Variants in LMOD3 observed in about 807,000 individuals in gnomAD.
LMOD3 encodes leiomodin-3.
LMOD3 carries 31 observed loss-of-function variants against 41.8 expected under a neutral mutation model. The ratio of observed to expected loss-of-function variants is 0.74; its 90% confidence interval spans 0.56 to 1.00. The LOEUF (loss-of-function observed/expected upper bound fraction) is 1.00. Among genes scored for constraint, LMOD3 ranks in the 50% least tolerant of loss-of-function variants. The pLI, the probability that LMOD3 is intolerant of heterozygous loss-of-function variation, is 0.00. For synonymous variants in LMOD3, 292 were observed against 241.9 expected, an observed-to-expected ratio of 1.21 and a Z score of -1.92; for missense variants, 755 against 679.5, an observed-to-expected ratio of 1.11 and a Z score of -1.23.
At chr3:69,113,921 T>G (rs545364713) in intron 2 of LMOD3, among the ~76,000 whole-genome samples, 2 of 152,322 alleles carry the variant, frequency 1.3e-5, no homozygotes, top group East Asian at 3.9e-4. Context: ...ATCATACGAC[T>G]CAGCTTTATT....
At position 69,118,893 on chromosome 3, in the gene LMOD3, C is replaced by A; in HGVS notation, c.1462G>T (p.Val488Leu). The change falls in exon 2 of 3, where the codon GTG (valine) becomes TTG (leucine). Residue 488 changes from valine to leucine, a missense_variant. Physicochemically the swap from Val to Leu is conservative, Grantham distance 32. Transcript: ENST00000420581. Reference sequence around the variant, plus strand: ...TTGCGCTGGATTCTCTTCAGCTTCACCACCCGGAAGGAGTCAGGGTCTGTC... The same window carrying A: ...TTGCGCTGGATTCTCTTCAGCTTCAACACCCGGAAGGAGTCAGGGTCTGTC... Reference protein sequence around the residue: ...YRTDPDSFRVVKLKRIQRKSR... With the variant: ...YRTDPDSFRVLKLKRIQRKSR... The A allele has an allele frequency of 2.5e-6, 4 of 1,611,542 alleles. No individual in the cohort carries two copies. The highest frequency in any genetic ancestry group is 3.4e-6 in the Non-Finnish European group (4 of 1,179,434).
In LMOD3 at chr3:69,110,853, A is replaced by AATAT. The variant is rs1302203949; in HGVS notation, c.1657-1736_1657-1733dup. Among the ~76,000 whole-genome samples, 799 of 104,002 alleles carry AATAT rather than the reference A, an allele frequency of 7.7e-3. 30 individuals carry two copies. Among genetic ancestry groups the AATAT allele is most frequent in the African/African-American group, 0.027 (559 of 20,740 alleles). The allele number at this position is 104,002 out of a possible 152,430, so 68.2% of individuals were successfully genotyped here. ...GACACCATCTCAAAAAAAAAAAAAA[A>AATAT]ATATATATATATATATATATATATT... On this transcript the variant is annotated intron_variant, in intron 2 of 2. Transcript: ENST00000420581.
At chr3:69,116,725 T>C (rs766009828) in intron 2 of LMOD3, among the ~76,000 whole-genome samples, 3 of 152,170 alleles carry the variant, frequency 2.0e-5, no homozygotes, top group Non-Finnish European at 4.4e-5. Context: ...TGAACCTGAC[T>C]TACCACTATA....
rs2107526736 is a variant in LMOD3, at chr3:69,119,810, C to A, written c.545G>T (p.Arg182Ile). Residue 182 changes from arginine to isoleucine, a missense_variant, in exon 2 of 3, where the codon AGA (arginine) becomes ATA (isoleucine). Transcript: ENST00000420581. ...EEEGKAKEQI[R>I]NCENNCQQVT... ...CTGCTGGCAGTTGTTCTCACAATTT[C>A]TAATTTGTTCCTTTGCTTTGCCTTC... is the stretch of plus-strand genomic sequence containing the variant. 1 of 1,596,406 alleles carries A rather than the reference C, an allele frequency of 6.3e-7. No homozygotes were observed. The highest frequency in any genetic ancestry group is 8.5e-7 in the Non-Finnish European group (1 of 1,170,082).
At chr3:69,112,022 T>C (rs1300521437) in intron 2 of LMOD3, among the ~76,000 whole-genome samples, 1 of 152,236 alleles carries the variant, frequency 6.6e-6, no homozygotes, top group Non-Finnish European at 1.5e-5. Context: ...GCACACATTT[T>C]AATCATTTTC....
Position 69,122,511 on chromosome 3 carries a change from A to T in LMOD3, c.-125T>A, listed in dbSNP as rs527962792. The T allele has an allele frequency of 4.0e-4, 295 of 736,306 alleles. No individual in the cohort carries two copies. In the African/African-American group the frequency reaches 5.0e-3, roughly 13 times the overall value. 45.6% of individuals were successfully genotyped at this position (736,306 alleles called of 1,614,324 possible). A position where few individuals can be genotyped will look rare whatever the true frequency, so the allele number is the denominator to read the frequency against. On this transcript the variant is annotated 5_prime_UTR_variant, in exon 1 of 3. Transcript: ENST00000420581. ...TGTCCCAAGTTAACACACCCTTGAG[A>T]TATTTTTTTTTTTTTCCCAGGAACC...
chr3:69,118,063 C>G (rs2092384842), intron 2 of LMOD3, among the ~76,000 whole-genome samples: 1 of 152,196 alleles, frequency 6.6e-6, no homozygotes, highest in African/African-American at 2.4e-5. Context: ...ATCTCTTGAC[C>G]TTGTGATCCA....
At chr3:69,110,853 A>AATATATATATATAT (rs1302203949) in intron 2 of LMOD3, among the ~76,000 whole-genome samples, 3 of 104,106 alleles carry the variant, frequency 2.9e-5, no homozygotes, top group East Asian at 8.4e-4. Context: ...AAAAAAAAAA[A>AATATATATATATAT]ATATATATAT....
chr3:69,120,480 A>C (rs1021267107), intron 1 of LMOD3, among the ~76,000 whole-genome samples: 17 of 151,722 alleles, frequency 1.1e-4, no homozygotes, highest in Non-Finnish European at 2.2e-4. Flanking sequence ...AGAATAAGGA[A>C]ATTATTGCCC....
intron 1 of LMOD3, among the ~76,000 whole-genome samples, chr3:69,120,457 CTATAAA>C (rs1353097909): frequency 4.8e-4 from 72 of 151,120 alleles, no homozygotes; most frequent in African/African-American, 1.7e-3. Flanking sequence ...AAATGTGATA[CTATAAA>C]TATATTAGAA....
At chr3:69,110,018 A>G (rs2092340770) in intron 2 of LMOD3, among the ~76,000 whole-genome samples, 1 of 152,094 alleles carries the variant, frequency 6.6e-6, no homozygotes, top group Non-Finnish European at 1.5e-5. Context: ...AAGAATATAA[A>G]ATATATGTTC....
intron 2 of LMOD3, among the ~76,000 whole-genome samples, chr3:69,118,075 C>G (rs1025791403): frequency 1.3e-5 from 2 of 152,206 alleles, no homozygotes; most frequent in Non-Finnish European, 2.9e-5. Flanking sequence ...TGTGATCCAC[C>G]TGCTTTGGCC....
At chr3:69,117,013 C>T (rs2092377686) in intron 2 of LMOD3, among the ~76,000 whole-genome samples, 1 of 152,186 alleles carries the variant, frequency 6.6e-6, no homozygotes, top group African/African-American at 2.4e-5. Flanking sequence ...TATTCTTTGC[C>T]AATGACTAGT....
intron 2 of LMOD3, among the ~76,000 whole-genome samples, chr3:69,114,176 A>G (rs1247115554): frequency 6.6e-6 from 1 of 152,170 alleles, no homozygotes; most frequent in African/African-American, 2.4e-5. Context: ...AATTTTTTCC[A>G]TGCAAGTGCA....
intron 2 of LMOD3, among the ~76,000 whole-genome samples, chr3:69,114,486 C>T (rs1163832400): frequency 6.6e-6 from 1 of 152,122 alleles, no homozygotes; most frequent in African/African-American, 2.4e-5. Context: ...AGGCCAGAAG[C>T]GTGGGGTAGG....
chr3:69,110,751 G>A (rs1003501951), intron 2 of LMOD3, among the ~76,000 whole-genome samples: 1 of 146,072 alleles, frequency 6.8e-6, no homozygotes, highest in Non-Finnish European at 1.5e-5. Flanking sequence ...GCTGAGGCAG[G>A]AGAATTGCTT....
At chr3:69,118,436 C>T (rs1266885064) in intron 2 of LMOD3, among the ~76,000 whole-genome samples, 1 of 152,060 alleles carries the variant, frequency 6.6e-6, no homozygotes, top group East Asian at 1.9e-4. Flanking sequence ...TATAACAACT[C>T]CAGCCTATAG....
chr3:69,113,103 T>C (rs942494551), intron 2 of LMOD3, among the ~76,000 whole-genome samples: 6 of 152,260 alleles, frequency 3.9e-5, no homozygotes, highest in East Asian at 3.9e-4. Flanking sequence ...GGTTTCTTTA[T>C]TGGAGGTCCT....
At position 69,109,116 on chromosome 3, in the gene LMOD3, T is replaced by G; in HGVS notation, c.1662A>C (p.Gln554His). ...HSSVAYLKPV[Q>H]LPKELA ...CCTCTTACGCCAGTTCTTTTGGCAG[T>G]TGCACCTGCGATTTAAGCATTTGAG... Residue 554 changes from glutamine to histidine, a missense_variant, in exon 3 of 3, where the codon CAA becomes CAC. Physicochemically the swap from Gln to His is conservative, Grantham distance 24. Coordinates refer to ENST00000420581, the MANE Select transcript of LMOD3 (RefSeq NM_198271.5). 6.2e-7 allele frequency: 1 copy of G among 1,602,894 alleles called. No individual in the cohort carries two copies. Among genetic ancestry groups the G allele is most frequent in the Non-Finnish European group, 8.5e-7 (1 of 1,174,464 alleles).
Sources: allele counts gnomAD v4.1 joint callset (sites outside exome capture counted in the v4.1 genomes callset), GRCh38; gene constraint gnomAD v4.1.1; transcripts MANE v1.5; gene names NCBI Gene and HGNC (gene_info 2026-07-23, HGNC 2026-07-21).